ADARB2: variants seen among roughly 807,000 people sequenced by gnomAD.
The protein encoded by ADARB2 is inactive double-stranded RNA-specific editase B2.
Under a neutral mutation model 62.2 loss-of-function variants are expected in ADARB2, and 25 were observed. The observed-to-expected ratio is 0.40, with a 90% CI of 0.29 to 0.56. The LOEUF (loss-of-function observed/expected upper bound fraction) is 0.56. Ranked by LOEUF, ADARB2 falls within the 20% of genes least tolerant of loss-of-function variation. The pLI, the probability that ADARB2 is intolerant of heterozygous loss-of-function variation, is 0.43. For missense variants in ADARB2, 1,071 were observed against 1,077.4 expected (o/e 0.99, Z 0.08); for synonymous variants, 572 against 500.8 (o/e 1.14, Z -1.90).
intron 1 of ADARB2, among the ~76,000 whole-genome samples, chr10:1,512,582 A>C (rs978153631): frequency 6.6e-6 from 1 of 152,246 alleles, no homozygotes; most frequent in Non-Finnish European, 1.5e-5. Context: ...TTTCCAAATA[A>C]ATCCAAGTCT....
At chr10:1,607,637 G>A (rs926816971) in intron 1 of ADARB2, among the ~76,000 whole-genome samples, 7 of 152,176 alleles carry the variant, frequency 4.6e-5, no homozygotes, top group Non-Finnish European at 5.9e-5. Context: ...AGTAAAGTAC[G>A]AGAGCTCGTT....
At chr10:1,649,476 A>C (rs192590851) in intron 1 of ADARB2, among the ~76,000 whole-genome samples, 2 of 152,118 alleles carry the variant, frequency 1.3e-5, no homozygotes, top group Non-Finnish European at 2.9e-5. Flanking sequence ...GTCTCCCTTT[A>C]ATTTTCTCCG....
intron 1 of ADARB2, among the ~76,000 whole-genome samples, chr10:1,494,460 T>C (rs1030155349): frequency 1.3e-5 from 2 of 152,244 alleles, no homozygotes; most frequent in African/African-American, 2.4e-5. Flanking sequence ...CCACCAGCTA[T>C]GAATGCTAAG....
At chr10:1,620,159 AAAGT>A (rs1299464336) in intron 1 of ADARB2, among the ~76,000 whole-genome samples, 1 of 152,168 alleles carries the variant, frequency 6.6e-6, no homozygotes, top group Non-Finnish European at 1.5e-5. Context: ...AACTAAAATC[AAAGT>A]AAGACATAAT....
At chr10:1,611,773 C>T (rs779217871) in intron 1 of ADARB2, among the ~76,000 whole-genome samples, 2 of 152,172 alleles carry the variant, frequency 1.3e-5, no homozygotes, top group Non-Finnish European at 1.5e-5. Flanking sequence ...ATCGTCCCAG[C>T]GATGAGATTT....
chr10:1,692,235 T>C (rs1341051254), intron 1 of ADARB2, among the ~76,000 whole-genome samples: 1 of 152,250 alleles, frequency 6.6e-6, no homozygotes, highest in Non-Finnish European at 1.5e-5. Context: ...TAGAGCATTT[T>C]TTCCTTCTAA....
intron 1 of ADARB2, among the ~76,000 whole-genome samples, chr10:1,600,900 G>A (rs959199160): frequency 1.3e-5 from 2 of 152,276 alleles, no homozygotes; most frequent in African/African-American, 4.8e-5. Context: ...TTCTATGGTG[G>A]AGAGGAAGCA....
At chr10:1,631,443 T>C (rs535335026) in intron 1 of ADARB2, among the ~76,000 whole-genome samples, 1 of 152,334 alleles carries the variant, frequency 6.6e-6, no homozygotes, top group East Asian at 1.9e-4. Context: ...GCTGGTGTCA[T>C]GCCAGGGCGT....
chr10:1,573,739 C>T (rs1466337919), intron 1 of ADARB2, among the ~76,000 whole-genome samples: 1 of 152,132 alleles, frequency 6.6e-6, no homozygotes, highest in Non-Finnish European at 1.5e-5. Context: ...CAGGACGGTG[C>T]TCTACCCAGC....
intron 1 of ADARB2, among the ~76,000 whole-genome samples, chr10:1,561,311 CT>C (rs1018290977): frequency 3.3e-5 from 5 of 152,194 alleles, no homozygotes; most frequent in African/African-American, 1.2e-4. Context: ...ACCCAGACAA[CT>C]TGTGCTTCAA....
intron 1 of ADARB2, among the ~76,000 whole-genome samples, chr10:1,497,635 T>C (rs1345317899): frequency 1.3e-5 from 2 of 152,264 alleles, no homozygotes; most frequent in East Asian, 3.8e-4. Context: ...GCATCAGTTA[T>C]GCTTTTTATA....
At chr10:1,263,414 T>G (rs1369020009) in intron 4 of ADARB2, among the ~76,000 whole-genome samples, 6 of 152,178 alleles carry the variant, frequency 3.9e-5, no homozygotes, top group African/African-American at 1.4e-4. Context: ...ACAAAGTTAG[T>G]GTTATGCTTC....
chr10:1,492,318 G>A (rs373176718), intron 1 of ADARB2, among the ~76,000 whole-genome samples: 2 of 152,180 alleles, frequency 1.3e-5, no homozygotes, highest in African/African-American at 2.4e-5. Context: ...ATGTGACTGT[G>A]TTTGGATATT....
intron 1 of ADARB2, among the ~76,000 whole-genome samples, chr10:1,572,884 G>A (rs760626168): frequency 1.3e-5 from 2 of 152,174 alleles, no homozygotes; most frequent in Non-Finnish European, 2.9e-5. Flanking sequence ...CACGTACAGC[G>A]TTTCCCTGCT....
chr10:1,354,083 G>C (rs1321697669), intron 3 of ADARB2, among the ~76,000 whole-genome samples: 2 of 151,808 alleles, frequency 1.3e-5, no homozygotes, highest in Non-Finnish European at 2.9e-5. Flanking sequence ...AGGTTTCCAC[G>C]CCACCCCTAA....
chr10:1,644,402 T>A (rs1467940382), intron 1 of ADARB2, among the ~76,000 whole-genome samples: 1 of 152,254 alleles, frequency 6.6e-6, no homozygotes, highest in Non-Finnish European at 1.5e-5. Context: ...AACAAACTAT[T>A]TTTAGCTGCC....
chr10:1,570,248 G>A lies in ADARB2; in HGVS notation c.100+166803C>T, dbSNP rs149123485. ...TATTTAAAAATGTTTGCGGTATGGT[G>A]AATATACACTAGGATTTAGCTCGAG... On this transcript the variant is annotated intron_variant, in intron 1 of 9. Coordinates refer to ENST00000381312, the MANE Select transcript of ADARB2 (RefSeq NM_018702.4). Among the ~76,000 whole-genome samples, 408 of 152,346 alleles carry A rather than the reference G, an allele frequency of 2.7e-3. 2 individuals are homozygous for A. The highest frequency in any genetic ancestry group is 9.4e-3 in the African/African-American group (392 of 41,582).
chr10:1,525,518 G>A (rs1435168721), intron 1 of ADARB2, among the ~76,000 whole-genome samples: 1 of 151,986 alleles, frequency 6.6e-6, no homozygotes, highest in African/African-American at 2.4e-5. Context: ...GGGTATCTAG[G>A]GGGCCTTTTC....
intron 1 of ADARB2, among the ~76,000 whole-genome samples, chr10:1,452,516 C>A (rs1043572352): frequency 5.3e-5 from 8 of 152,016 alleles, no homozygotes; most frequent in African/African-American, 1.7e-4. Context: ...AAGCTGGAAA[C>A]CATCATTTTC....
Sources: gnomAD v4.1 joint callset for allele counts (sites outside exome capture counted in the v4.1 genomes callset) on GRCh38, gnomAD v4.1.1 for gene constraint, MANE v1.5 for transcripts, NCBI Gene and HGNC (gene_info 2026-07-23, HGNC 2026-07-21) for gene names.